The following CLSTN2 variants were observed in gnomAD, a reference collection of about 807,000 sequenced individuals.
CLSTN2 encodes calsyntenin-2.
A neutral mutation model predicts 101.2 loss-of-function variants in CLSTN2; 48 were observed. That is an observed-to-expected ratio of 0.47 (90% CI 0.38 to 0.60). The LOEUF (loss-of-function observed/expected upper bound fraction) is 0.60. CLSTN2 is among the 20% of genes least tolerant of loss of function. The probability of loss-of-function intolerance (pLI) is 0.00; values close to 1 mark genes in which losing one functional copy is unlikely to be tolerated. For synonymous variants in CLSTN2, 481 were observed against 463.6 expected (o/e 1.04, Z -0.48); for missense variants, 1,160 against 1,238.2 (o/e 0.94, Z 0.95).
chr3:140,171,083 AG>A (rs1355846290), intron 1 of CLSTN2, among the ~76,000 whole-genome samples: 2 of 152,186 alleles, frequency 1.3e-5, no homozygotes, highest in African/African-American at 4.8e-5. Flanking sequence ...GGGGAAAAAA[AG>A]ATTTAATTGT....
At chr3:140,330,707 G>T (rs368558696) in intron 2 of CLSTN2, among the ~76,000 whole-genome samples, 99 of 152,318 alleles carry the variant, frequency 6.5e-4, no homozygotes, top group African/African-American at 2.2e-3. Context: ...GAAGCTTGAG[G>T]CCTGACAAAA....
At chr3:140,175,819 A>G (rs1178716323) in intron 1 of CLSTN2, 132 bp from the exon 2 acceptor site, 3 of 895,332 alleles carry the variant, frequency 3.4e-6, no homozygotes, top group Non-Finnish European at 4.9e-6. Flanking sequence ...TGGGATTAAC[A>G]TGTTCCATGT....
intron 2 of CLSTN2, among the ~76,000 whole-genome samples, chr3:140,324,113 T>C (rs1357069418): frequency 6.6e-6 from 1 of 152,236 alleles, no homozygotes; most frequent in East Asian, 1.9e-4. Context: ...CCAGATCTCT[T>C]CTATACCACC....
chr3:140,110,251 G>T (rs1237447714), intron 1 of CLSTN2, among the ~76,000 whole-genome samples: 1 of 152,108 alleles, frequency 6.6e-6, no homozygotes, highest in Non-Finnish European at 1.5e-5. Flanking sequence ...ATTCCCAAGT[G>T]GATGTTAAGA....
intron 2 of CLSTN2, among the ~76,000 whole-genome samples, chr3:140,288,127 C>A (rs10617663): frequency 8.3e-4 from 3 of 3,612 alleles, no homozygotes; most frequent in Non-Finnish European, 1.3e-3. Context: ...AACAGGAAAC[C>A]GGCGGGGGGG....
chr3:140,544,210 C>T (rs1330274687), intron 9 of CLSTN2, among the ~76,000 whole-genome samples: 1 of 152,214 alleles, frequency 6.6e-6, no homozygotes, highest in African/African-American at 2.4e-5. Flanking sequence ...AATGAGCTGA[C>T]TTATGCAAAG....
chr3:140,252,398 T>G (rs1054311346), intron 2 of CLSTN2, among the ~76,000 whole-genome samples: 1 of 152,176 alleles, frequency 6.6e-6, no homozygotes, highest in African/African-American at 2.4e-5. Flanking sequence ...ACTAGCAGCA[T>G]GGGCCTTATC....
At chr3:140,451,927 A>G (rs1018010200) in intron 6 of CLSTN2, among the ~76,000 whole-genome samples, 2 of 152,228 alleles carry the variant, frequency 1.3e-5, no homozygotes, top group African/African-American at 4.8e-5. Context: ...TATTAGAGCC[A>G]TGGTCTAAGC....
intron 2 of CLSTN2, among the ~76,000 whole-genome samples, chr3:140,235,151 C>T (rs1474591429): frequency 1.3e-5 from 2 of 152,182 alleles, no homozygotes; most frequent in Non-Finnish European, 2.9e-5. Flanking sequence ...ATTTCTAGCA[C>T]ATCGAAGTTT....
intron 2 of CLSTN2, among the ~76,000 whole-genome samples, chr3:140,274,232 G>T (rs573116152): frequency 2.0e-5 from 3 of 152,226 alleles, no homozygotes; most frequent in South Asian, 4.2e-4. Context: ...TTAACACTCT[G>T]CTTCCTAGAT....
At chr3:139,994,308 T>C (rs1439121365) in intron 1 of CLSTN2, among the ~76,000 whole-genome samples, 1 of 152,240 alleles carries the variant, frequency 6.6e-6, no homozygotes, top group African/African-American at 2.4e-5. Flanking sequence ...TGACCTTTCC[T>C]TGTGTTTCTA....
intron 10 of CLSTN2, among the ~76,000 whole-genome samples, chr3:140,548,255 G>C (rs747705062): frequency 1.2e-4 from 18 of 152,218 alleles, no homozygotes; most frequent in Admixed American, 2.0e-4. Context: ...AGTGACCCAA[G>C]CAGACATTTG....
chr3:140,015,585 A>G (rs2007183297), intron 1 of CLSTN2, among the ~76,000 whole-genome samples: 1 of 152,230 alleles, frequency 6.6e-6, no homozygotes, highest in African/African-American at 2.4e-5. Context: ...GGCCTGAGAA[A>G]CAGAAGAATG....
chr3:139,954,547 T>G (rs1483068098), intron 1 of CLSTN2, among the ~76,000 whole-genome samples: 2 of 152,108 alleles, frequency 1.3e-5, no homozygotes, highest in African/African-American at 4.8e-5. Flanking sequence ...TCACCTACCC[T>G]TTGGAGGTGA....
chr3:140,562,422 C>T (rs1245273918), intron 13 of CLSTN2, 114 bp downstream of exon 13: 2 of 1,041,676 alleles, frequency 1.9e-6, no homozygotes, highest in African/African-American at 3.2e-5. Context: ...CCCCAGGGAC[C>T]AGTTGGAGAT....
At chr3:140,136,933 T>C (rs1438650396) in intron 1 of CLSTN2, among the ~76,000 whole-genome samples, 1 of 152,158 alleles carries the variant, frequency 6.6e-6, no homozygotes, top group East Asian at 1.9e-4. Context: ...CTGAAGTCAG[T>C]TTATAAATGA....
At chr3:140,063,458 T>C (rs2008244890) in intron 1 of CLSTN2, among the ~76,000 whole-genome samples, 1 of 152,138 alleles carries the variant, frequency 6.6e-6, no homozygotes, top group Non-Finnish European at 1.5e-5. Context: ...GCGTCCATGC[T>C]AACTGAGCAC....
At chr3:140,308,617 C>T (rs1474225364) in intron 2 of CLSTN2, among the ~76,000 whole-genome samples, 1 of 152,138 alleles carries the variant, frequency 6.6e-6, no homozygotes, top group African/African-American at 2.4e-5. Flanking sequence ...GTTGGCCTTC[C>T]CCAAGAGAAC....
intron 1 of CLSTN2, among the ~76,000 whole-genome samples, chr3:140,094,903 T>A (rs2008843548): frequency 6.6e-6 from 1 of 152,212 alleles, no homozygotes; most frequent in South Asian, 2.1e-4. Flanking sequence ...TTATAATACG[T>A]CAAGGATCGT....
Sources: allele counts gnomAD v4.1 joint callset (sites outside exome capture counted in the v4.1 genomes callset), GRCh38; gene constraint gnomAD v4.1.1; transcripts MANE v1.5; gene names NCBI Gene and HGNC (gene_info 2026-07-23, HGNC 2026-07-21).